Variants in IRX5 observed in about 807,000 individuals in gnomAD.
The protein encoded by IRX5 is iroquois homeobox 5.
In IRX5, 8 loss-of-function variants were observed where a neutral mutation model predicts 37.6. The ratio of observed to expected loss-of-function variants is 0.21; its 90% CI spans 0.12 to 0.38. The LOEUF (loss-of-function observed/expected upper bound fraction) is 0.38, where lower values mean the gene tolerates loss of function less well. Among genes scored for constraint, IRX5 ranks in the 10% least tolerant of loss-of-function variants. The pLI is 1.00. For missense variants in IRX5, 635 were observed against 695.2 expected, an observed-to-expected ratio of 0.91 and a Z score of 0.97; for synonymous variants, 359 against 328.6, an observed-to-expected ratio of 1.09 and a Z score of -1.00.
At position 54,932,971 on chromosome 16, in the gene IRX5, C is replaced by T; in HGVS notation, c.655+68C>T. 1 of 1,584,638 alleles carries T rather than the reference C, an allele frequency of 6.3e-7. No homozygotes were observed. On this transcript the variant is annotated intron_variant, in intron 2 of 2. Transcript: ENST00000394636. The surrounding 1 kb of genome is among the most constrained non-coding windows in gnomAD (Gnocchi z 6.7). ...GGAAAAGAGAGGCCTGGAGGGGGCG[C>T]GCACGGGGCCTGGAGGTTGGGGGCA... is the stretch of plus-strand genomic sequence containing the variant.
chr16:54,933,247 G>A lies in IRX5; in HGVS notation c.826G>A (p.Ala276Thr), dbSNP rs2142355077. ...GPPRTGGPSP[A>T]GPAAARLAED... ...CCCCCGCACCGGCGGGCCCTCCCCGGCTGGGCCAGCGGCGGCGCGGCTGGC... is the reference window on the plus strand; with the variant it reads ...CCCCCGCACCGGCGGGCCCTCCCCGACTGGGCCAGCGGCGGCGCGGCTGGC... Residue 276 changes from alanine (A) to threonine (T), a missense_variant, in exon 3 of 3, where the codon GCT becomes ACT. Ala to Thr is a moderately conservative substitution (Grantham distance 58). Around this residue, in one of 5 missense-constraint regions of IRX5, gnomAD observed 244 missense variants for 205.4 expected, o/e 1.19. Coordinates refer to ENST00000394636, the MANE Select transcript of IRX5 (RefSeq NM_005853.6). The A allele has an allele frequency of 2.1e-6, 3 of 1,400,782 alleles. No individual in the cohort carries two copies. Among genetic ancestry groups the A allele is most frequent in the Non-Finnish European group, 2.8e-6 (3 of 1,086,198 alleles). 86.8% of individuals were successfully genotyped at this position (1,400,782 alleles called of 1,614,324 possible).
At position 54,933,952 on chromosome 16, in the gene IRX5, G is replaced by T. The variant is rs748022814; in HGVS notation, c.*79G>T. ...CAGTTATTTTTCCATCACCGAGAGA[G>T]AGAGACAGAGAGAGAAAATAAACTA... On this transcript the variant is annotated 3_prime_UTR_variant, in exon 3 of 3. Transcript: ENST00000394636. 8.0e-6 allele frequency: 11 copies of T among 1,367,054 alleles called. No homozygotes were observed. Among genetic ancestry groups the T allele is most frequent in the Admixed American group, 2.4e-5 (1 of 41,622 alleles). The allele number at this position is 1,367,054 out of a possible 1,614,324, so 84.7% of individuals were successfully genotyped here. A position where few individuals can be genotyped will look rare whatever the true frequency, so the allele number is the denominator to read the frequency against.
chr16:54,933,050 C>T (rs1273633822), intron 2 of IRX5, 27 bp from the exon 3 acceptor site: 1 of 1,603,134 alleles, frequency 6.2e-7, no homozygotes, highest in Admixed American at 1.7e-5. Flanking sequence ...GCCTCTGCGC[C>T]CCTGACAGCC....
At position 54,933,361 on chromosome 16, in the gene IRX5, C is replaced by A. The variant is rs1259280523; in HGVS notation, c.940C>A (p.Pro314Thr). 1 of 1,513,024 alleles carries A rather than the reference C, an allele frequency of 6.6e-7. No individual in the cohort carries two copies. The highest frequency in any genetic ancestry group is 8.8e-7 in the Non-Finnish European group (1 of 1,135,484). 93.7% of individuals were successfully genotyped at this position (1,513,024 alleles called of 1,614,324 possible). The part of the protein sequence containing the change: ...AGEVPPGPGG[P>T]SVIHSPPPPP... ...CGAGGTGCCTCCGGGTCCCGGCGGG[C>A]CCTCGGTTATCCATTCGCCGCCTCC... The change falls in exon 3 of 3, where the codon CCC (proline) becomes ACC (threonine). Residue 314 changes from proline (P) to threonine (T), a missense_variant. Pro to Thr is a conservative substitution (Grantham distance 38). This residue lies in a region of IRX5 where 244 missense variants were observed against 205.4 expected (regional missense o/e 1.19). Coordinates refer to ENST00000394636, the MANE Select transcript of IRX5 (RefSeq NM_005853.6).
Position 54,934,440 on chromosome 16 carries a change from T to C in IRX5, c.*567T>C, listed in dbSNP as rs1183838459. ...ATTTTAACATAATGAGAGCCACTCA[T>C]TACTTTTTAGAAGCCTCAATAAACT... is the stretch of plus-strand genomic sequence containing the variant. On this transcript the variant is annotated 3_prime_UTR_variant, in exon 3 of 3. Transcript: ENST00000394636. 1 of 152,660 alleles carries C rather than the reference T, an allele frequency of 6.6e-6. No individual in the cohort carries two copies. Among genetic ancestry groups the C allele is most frequent in the Non-Finnish European group, 1.5e-5 (1 of 68,044 alleles). 9.5% of individuals were successfully genotyped at this position (152,660 alleles called of 1,614,324 possible).
chr16:54,931,469 C>T, intron 1 of IRX5, 22 bp downstream of exon 1: 5 of 1,537,990 alleles, frequency 3.3e-6, no homozygotes, highest in Non-Finnish European at 4.3e-6. Context: ...GGATCCGCGG[C>T]GGGCGAGGGG....
Position 54,932,557 on chromosome 16 carries a change from G to A in IRX5, c.309G>A (p.Ala103=), listed in dbSNP as rs1187753719. 5.0e-6 allele frequency: 8 copies of A among 1,613,978 alleles called. No individual in the cohort carries two copies. The highest frequency in any genetic ancestry group is 6.8e-6 in the Non-Finnish European group (8 of 1,180,002). Residue 103 remains alanine (A), a synonymous_variant, in exon 2 of 3, where the codon GCG becomes GCA. Coordinates refer to ENST00000394636, the MANE Select transcript of IRX5 (RefSeq NM_005853.6). The surrounding 1 kb of genome is among the most constrained non-coding windows in gnomAD (Gnocchi z 6.7). ...GCTCCTTGGGGTACCATCCTTACGC[G>A]GCGCCCCTGGGATCGTACCCTTACG... is the stretch of plus-strand genomic sequence containing the variant. ...MAGSLGYHPY[A]APLGSYPYGD...
chr16:54,934,004 T>C lies in IRX5; in HGVS notation c.*131T>C. 2.3e-6 allele frequency: 2 copies of C among 879,748 alleles called. No homozygotes were observed. Among genetic ancestry groups the C allele is most frequent in the South Asian group, 3.1e-5 (1 of 32,340 alleles). 54.5% of individuals were successfully genotyped at this position (879,748 alleles called of 1,614,324 possible). A position where few individuals can be genotyped will look rare whatever the true frequency, so the allele number is the denominator to read the frequency against. ...CCCTCCTATTCAGAAGTTTATAGTT[T>C]ATGGAGATGGATGACATAAAAATGT... On this transcript the variant is annotated 3_prime_UTR_variant, in exon 3 of 3. Coordinates refer to ENST00000394636, the MANE Select transcript of IRX5 (RefSeq NM_005853.6).
chr16:54,933,624 T>G lies in IRX5; in HGVS notation c.1203T>G (p.Pro401=), dbSNP rs778731890. Residue 401 remains proline, a synonymous_variant, in exon 3 of 3, where the codon CCT becomes CCG. Coordinates refer to ENST00000394636, the MANE Select transcript of IRX5 (RefSeq NM_005853.6). ...CAGGCGGGACGGTGCTGTCCCGGCCTCTCTACTACACCGCGCCCTTCTATC... is the reference window on the plus strand; with the variant it reads ...CAGGCGGGACGGTGCTGTCCCGGCCGCTCTACTACACCGCGCCCTTCTATC... ...PFPGGTVLSR[P]LYYTAPFYPG... is the part of the protein sequence containing the mutation. 6.8e-6 allele frequency: 11 copies of G among 1,610,782 alleles called. No individual in the cohort carries two copies. In the Admixed American group the frequency reaches 1.5e-4, roughly 22 times the overall value.
rs1368675458 is a variant in IRX5, at chr16:54,933,645, C to G, written c.1224C>G (p.Phe408Leu). The G allele has an allele frequency of 3.7e-5, 60 of 1,610,372 alleles. No individual in the cohort carries two copies. The highest frequency in any genetic ancestry group is 5.0e-5 in the Non-Finnish European group (59 of 1,177,284). The change falls in exon 3 of 3, where the codon TTC becomes TTG. Residue 408 changes from phenylalanine (F) to leucine (L), a missense_variant. Physicochemically the swap from Phe to Leu is conservative, Grantham distance 22. Transcript: ENST00000394636. The stretch of plus-strand genomic sequence containing the variant: ...GGCCTCTCTACTACACCGCGCCCTT[C>G]TATCCCGGCTACACGAACTATGGCT... ...LSRPLYYTAP[F>L]YPGYTNYGSF... is the part of the protein sequence containing the mutation.
At position 54,933,215 on chromosome 16, in the gene IRX5, AG is replaced by A. The variant is rs1567391137; in HGVS notation, c.797del (p.Gly266AlafsTer101). On this transcript the variant is annotated frameshift_variant, in exon 3 of 3. Coordinates refer to ENST00000394636, the MANE Select transcript of IRX5 (RefSeq NM_005853.6). LOFTEE classifies it high-confidence loss of function. ...TCGGAGGGCCGCCTCGACGCGCTGC[AG>A]GGCCCCCCCCGCACCGGCGGGCCCT... is the stretch of plus-strand genomic sequence containing the variant. ...PPSEGRLDAL[Q>X]GPPRTGGPSP... 6.6e-7 allele frequency: 1 copy of A among 1,522,160 alleles called. No homozygotes were observed. The highest frequency in any genetic ancestry group is 1.4e-5 in the African/African-American group (1 of 71,064). 94.3% of individuals were successfully genotyped at this position (1,522,160 alleles called of 1,614,324 possible).
chr16:54,933,132 C>T lies in IRX5; in HGVS notation c.711C>T (p.Thr237=). The part of the protein sequence containing the change: ...SGCERLQGPP[T]PAGKETEGSL... Reference sequence around the variant, plus strand: ...GCGAACGGCTTCAGGGACCACCCACCCCTGCAGGCAAGGAGACGGAGGGCA... The same window carrying T: ...GCGAACGGCTTCAGGGACCACCCACTCCTGCAGGCAAGGAGACGGAGGGCA... The change falls in exon 3 of 3, where the codon ACC becomes ACT. Residue 237 remains threonine, a synonymous_variant. Transcript: ENST00000394636. 2 of 1,586,474 alleles carry T rather than the reference C, an allele frequency of 1.3e-6. No individual in the cohort carries two copies. The highest frequency in any genetic ancestry group is 8.5e-7 in the Non-Finnish European group (1 of 1,173,112).
Position 54,931,126 on chromosome 16 carries a change from C to T in IRX5, c.-73C>T. 8.3e-6 allele frequency: 10 copies of T among 1,200,484 alleles called. No homozygotes were observed. Among genetic ancestry groups the T allele is most frequent in the Non-Finnish European group, 1.0e-5 (10 of 960,552 alleles). 74.4% of individuals were successfully genotyped at this position (1,200,484 alleles called of 1,614,324 possible). A position where few individuals can be genotyped will look rare whatever the true frequency, so the allele number is the denominator to read the frequency against. ...GGCAGCCAGAGGCCAGGTGCCCGCC[C>T]GCTCGCCCTCGCAGGGCGCCGCCCG... On this transcript the variant is annotated 5_prime_UTR_variant, in exon 1 of 3. Coordinates refer to ENST00000394636, the MANE Select transcript of IRX5 (RefSeq NM_005853.6).
chr16:54,931,980 C>T, intron 1 of IRX5: 1 of 658,530 alleles, frequency 1.5e-6, no homozygotes. Context: ...CGGGTTGTAA[C>T]TTCGGTCTGG....
rs775538995 is a variant in IRX5 at position 54,932,461 on chromosome 16, C to G, written c.250-37C>G. ...CGGTCGTTCCGATGGCAGTGGAGAC[C>G]ACGGTCCACACTCACCTCTCTGCGT... On this transcript the variant is annotated intron_variant, in intron 1 of 2. Coordinates refer to ENST00000394636, the MANE Select transcript of IRX5 (RefSeq NM_005853.6). The surrounding 1 kb of genome is among the most constrained non-coding windows in gnomAD (Gnocchi z 6.7). 1.3e-6 allele frequency: 2 copies of G among 1,564,666 alleles called. No homozygotes were observed. Among genetic ancestry groups the G allele is most frequent in the Non-Finnish European group, 1.7e-6 (2 of 1,154,606 alleles).
chr16:54,932,634 A>G lies in IRX5; in HGVS notation c.386A>G (p.Lys129Arg), dbSNP rs1385855431. 6.2e-7 allele frequency: 1 copy of G among 1,614,036 alleles called. No individual in the cohort carries two copies. The highest frequency in any genetic ancestry group is 1.3e-5 in the African/African-American group (1 of 75,016). The change falls in exon 2 of 3, where the codon AAG (lysine) becomes AGG (arginine). Residue 129 changes from lysine (K) to arginine (R), a missense_variant. Lys to Arg is a conservative substitution (Grantham distance 26). Coordinates refer to ENST00000394636, the MANE Select transcript of IRX5 (RefSeq NM_005853.6). This position sits in a 1 kb window ranked among gnomAD's most constrained non-coding sequence, Gnocchi z 6.7. ...NATRDATATL[K>R]AWLNEHRKNP... ...ACAAGGGACGCCACGGCTACCCTCAAGGCCTGGCTCAACGAGCACCGCAAG... is the reference window on the plus strand; with the variant it reads ...ACAAGGGACGCCACGGCTACCCTCAGGGCCTGGCTCAACGAGCACCGCAAG...
chr16:54,933,266 G>A lies in IRX5; in HGVS notation c.845G>A (p.Arg282Gln). 1.5e-6 allele frequency: 2 copies of A among 1,320,694 alleles called. No individual in the cohort carries two copies. Among genetic ancestry groups the A allele is most frequent in the Non-Finnish European group, 1.9e-6 (2 of 1,046,074 alleles). The allele number at this position is 1,320,694 out of a possible 1,614,324, so 81.8% of individuals were successfully genotyped here. A position where few individuals can be genotyped will look rare whatever the true frequency, so the allele number is the denominator to read the frequency against. Reference sequence around the variant, plus strand: ...TCCCCGGCTGGGCCAGCGGCGGCGCGGCTGGCGGAGGACCCGGCCCCTCAC... The same window carrying A: ...TCCCCGGCTGGGCCAGCGGCGGCGCAGCTGGCGGAGGACCCGGCCCCTCAC... ...GPSPAGPAAA[R>Q]LAEDPAPHYP... Residue 282 changes from arginine to glutamine, a missense_variant, in exon 3 of 3, where the codon CGG (arginine) becomes CAG (glutamine). By Grantham distance (43) the Arg-to-Gln change is conservative (BLOSUM62 1). Transcript: ENST00000394636.
rs1963937921 is a variant in IRX5, at chr16:54,933,883, C to T, written c.*10C>T. The T allele has an allele frequency of 6.4e-7, 1 of 1,573,990 alleles. No homozygotes were observed. The highest frequency in any genetic ancestry group is 8.7e-7 in the Non-Finnish European group (1 of 1,152,848). ...TATGTCCGACATTTAACGCGGGCTG[C>T]GTCGGTCCCGGACTTTTCTAATTTA... On this transcript the variant is annotated 3_prime_UTR_variant, in exon 3 of 3. Coordinates refer to ENST00000394636, the MANE Select transcript of IRX5 (RefSeq NM_005853.6).
In IRX5 at chr16:54,933,235, G is replaced by A. The variant is rs1596763065; in HGVS notation, c.814G>A (p.Gly272Arg). The A allele has an allele frequency of 1.4e-6, 2 of 1,471,446 alleles. No individual in the cohort carries two copies. The highest frequency in any genetic ancestry group is 1.5e-5 in the African/African-American group (1 of 67,930). The allele number at this position is 1,471,446 out of a possible 1,614,324, so 91.1% of individuals were successfully genotyped here. ...GCTGCAGGGCCCCCCCCGCACCGGC[G>A]GGCCCTCCCCGGCTGGGCCAGCGGC... is the stretch of plus-strand genomic sequence containing the variant. ...DALQGPPRTG[G>R]PSPAGPAAAR... Residue 272 changes from glycine (G) to arginine (R), a missense_variant, in exon 3 of 3, where the codon GGG becomes AGG. By Grantham distance (125) the Gly-to-Arg change is moderately radical. Around this residue, in one of 5 missense-constraint regions of IRX5, gnomAD observed 244 missense variants for 205.4 expected, o/e 1.19. Coordinates refer to ENST00000394636, the MANE Select transcript of IRX5 (RefSeq NM_005853.6).
Sources: gnomAD v4.1 joint callset for allele counts on GRCh38, gnomAD v4.1.1 for gene constraint, gnomAD v4.1.1 regional missense constraint, Gnocchi (gnomAD v3.1) non-coding constraint, MANE v1.5 for transcripts, NCBI Gene and HGNC (gene_info 2026-07-23, HGNC 2026-07-21) for gene names.